The following CNOT6L variants were observed in gnomAD, a reference collection of about 807,000 sequenced individuals.
The protein encoded by CNOT6L is CCR4-NOT transcription complex subunit 6-like.
CNOT6L carries 7 observed loss-of-function variants against 64.0 expected under a neutral mutation model. The observed-to-expected ratio is 0.11, with a 90% CI of 0.06 to 0.21. CNOT6L has a LOEUF of 0.21. CNOT6L is among the 10% of genes least tolerant of loss of function. The pLI, the probability that CNOT6L is intolerant of heterozygous loss-of-function variation, is 1.00. For missense variants in CNOT6L, 245 were observed against 669.0 expected, an observed-to-expected ratio of 0.37 and a Z score of 6.99; for synonymous variants, 193 against 243.4, an observed-to-expected ratio of 0.79 and a Z score of 1.93.
At chr4:77,818,548 G>A (rs1733828437) in intron 1 of CNOT6L, among the ~76,000 whole-genome samples, 1 of 152,200 alleles carries the variant, frequency 6.6e-6, no homozygotes, top group South Asian at 2.1e-4. Flanking sequence ...TGAAAAGAAG[G>A]GAACACGACA....
In CNOT6L at chr4:77,819,326, G is replaced by C. The variant is rs1358948479; in HGVS notation, c.-18C>G. 27 of 1,613,456 alleles carry C rather than the reference G, an allele frequency of 1.7e-5. No individual in the cohort carries two copies. Among genetic ancestry groups the C allele is most frequent in the Non-Finnish European group, 2.3e-5 (27 of 1,179,698 alleles). ...TACCTCATTCTCTTCCTCTGGCCCAGAAGCAACAGCAGCCATTTCCCCGCG... is the reference window on the plus strand; with the variant it reads ...TACCTCATTCTCTTCCTCTGGCCCACAAGCAACAGCAGCCATTTCCCCGCG... On this transcript the variant is annotated 5_prime_UTR_variant, in exon 1 of 12. Coordinates refer to ENST00000504123, the MANE Select transcript of CNOT6L (RefSeq NM_144571.3).
intron 1 of CNOT6L, chr4:77,818,894 C>A: frequency 2.0e-6 from 1 of 490,696 alleles, no homozygotes; most frequent in South Asian, 1.9e-5. Flanking sequence ...CACCGACCAG[C>A]AGCTCTCCCA....
upstream of CNOT6L, chr4:77,819,399 C>G: frequency 6.2e-7 from 1 of 1,605,920 alleles, no homozygotes; most frequent in South Asian, 1.1e-5. Flanking sequence ...GCACCAGGCC[C>G]CCACAGATGC....
intron 8 of CNOT6L, among the ~76,000 whole-genome samples, chr4:77,741,250 A>G (rs1253354862): frequency 3.9e-5 from 6 of 152,188 alleles, no homozygotes; most frequent in African/African-American, 1.4e-4. Context: ...AGTGGACCAA[A>G]TATCTTTCAA....
At chr4:77,793,251 G>C (rs1730371213) in intron 1 of CNOT6L, among the ~76,000 whole-genome samples, 1 of 152,128 alleles carries the variant, frequency 6.6e-6, no homozygotes, top group African/African-American at 2.4e-5. Context: ...GCCATCAAAA[G>C]TATCTCTGGA....
chr4:77,736,679 T>C (rs1385512872), intron 8 of CNOT6L, among the ~76,000 whole-genome samples: 1 of 152,326 alleles, frequency 6.6e-6, no homozygotes, highest in East Asian at 1.9e-4. Flanking sequence ...CCATACAGCC[T>C]TGGTAATACG....
intron 1 of CNOT6L, among the ~76,000 whole-genome samples, chr4:77,800,506 G>A (rs1731407905): frequency 6.6e-6 from 1 of 151,378 alleles, no homozygotes; most frequent in Non-Finnish European, 1.5e-5. Flanking sequence ...GCAAGACCCT[G>A]TCTCTTAAAA....
chr4:77,795,882 A>G (rs1368097846), intron 1 of CNOT6L, among the ~76,000 whole-genome samples: 1 of 152,226 alleles, frequency 6.6e-6, no homozygotes, highest in African/African-American at 2.4e-5. Flanking sequence ...AGAAGAATCA[A>G]TATTAAGATG....
intron 4 of CNOT6L, among the ~76,000 whole-genome samples, chr4:77,757,538 CTA>C (rs1468856084): frequency 6.6e-6 from 1 of 151,986 alleles, no homozygotes; most frequent in Admixed American, 6.6e-5. Context: ...TGGTAACAGA[CTA>C]TATAGTCCCT....
chr4:77,741,200 T>A (rs1046723584), intron 8 of CNOT6L, among the ~76,000 whole-genome samples: 3 of 152,174 alleles, frequency 2.0e-5, no homozygotes, highest in Admixed American at 2.0e-4. Flanking sequence ...CTACTACAAA[T>A]TCATGGAAAA....
chr4:77,795,976 T>C (rs1042926851), intron 1 of CNOT6L, among the ~76,000 whole-genome samples: 1 of 152,160 alleles, frequency 6.6e-6, no homozygotes, highest in Admixed American at 6.5e-5. Context: ...TTGAAAGTGA[T>C]CTTTTTTCTT....
At chr4:77,787,087 G>C (rs542497488) in intron 1 of CNOT6L, among the ~76,000 whole-genome samples, 1 of 151,806 alleles carries the variant, frequency 6.6e-6, no homozygotes, top group Non-Finnish European at 1.5e-5. Context: ...CCAACATGGC[G>C]AAACCCCGTC....
intron 9 of CNOT6L, among the ~76,000 whole-genome samples, chr4:77,731,020 GAC>G (rs1722392764): frequency 6.6e-6 from 1 of 152,084 alleles, no homozygotes; most frequent in African/African-American, 2.4e-5. Context: ...TAACCTTAAA[GAC>G]AAAAGAATCA....
chr4:77,806,356 C>T (rs544923263), intron 1 of CNOT6L, among the ~76,000 whole-genome samples: 2 of 151,632 alleles, frequency 1.3e-5, no homozygotes, highest in South Asian at 2.1e-4. Context: ...ACCTGGGAGG[C>T]GGAGGTTGCA....
chr4:77,778,088 A>G (rs1323688937), intron 1 of CNOT6L, among the ~76,000 whole-genome samples: 1 of 152,230 alleles, frequency 6.6e-6, no homozygotes, highest in Non-Finnish European at 1.5e-5. Flanking sequence ...AGAACTTCAT[A>G]TAGCACAAAG....
At chr4:77,731,059 A>C (rs1697264607) in intron 9 of CNOT6L, among the ~76,000 whole-genome samples, 1 of 152,142 alleles carries the variant, frequency 6.6e-6, no homozygotes, top group South Asian at 2.1e-4. Context: ...ATAATTCAAA[A>C]AGAGGGCCAA....
intron 1 of CNOT6L, among the ~76,000 whole-genome samples, chr4:77,788,247 T>C (rs1158000799): frequency 2.0e-5 from 3 of 152,100 alleles, no homozygotes; most frequent in Admixed American, 6.5e-5. Flanking sequence ...AATCCAAAAA[T>C]AGAAACATAA....
At chr4:77,801,158 T>G (rs1029477203) in intron 1 of CNOT6L, among the ~76,000 whole-genome samples, 34 of 152,272 alleles carry the variant, frequency 2.2e-4, no homozygotes, top group Non-Finnish European at 4.6e-4. Context: ...AAGGATACTC[T>G]GACCCTACGT....
intron 1 of CNOT6L, among the ~76,000 whole-genome samples, chr4:77,813,434 C>A (rs1276113342): frequency 6.6e-6 from 1 of 152,046 alleles, no homozygotes. Context: ...CTTCATCAAG[C>A]TAAAAACGTT....
Sources: allele counts gnomAD v4.1 joint callset (sites outside exome capture counted in the v4.1 genomes callset), GRCh38; gene constraint gnomAD v4.1.1; transcripts MANE v1.5; gene names NCBI Gene and HGNC (gene_info 2026-07-23, HGNC 2026-07-21).